The following ARHGAP42 variants were observed in gnomAD, a reference collection of about 807,000 sequenced individuals.
The protein encoded by ARHGAP42 is rho GTPase-activating protein 42.
A neutral mutation model predicts 125.0 loss-of-function variants in ARHGAP42; 63 were observed. The observed-to-expected ratio is 0.50, with a 90% CI of 0.41 to 0.62. ARHGAP42 has a LOEUF of 0.62. Ranked by LOEUF, ARHGAP42 falls within the 20% of genes least tolerant of loss-of-function variation. ARHGAP42 has a pLI of 0.00. For missense variants in ARHGAP42, 766 were observed against 1,024.2 expected (o/e 0.75, Z 3.44); for synonymous variants, 339 against 351.0 (o/e 0.97, Z 0.38).
intron 4 of ARHGAP42, among the ~76,000 whole-genome samples, chr11:100,900,007 G>A (rs1866496336): frequency 6.6e-6 from 1 of 152,104 alleles, no homozygotes; most frequent in Non-Finnish European, 1.5e-5. Flanking sequence ...AGCATCGATG[G>A]TCTTTTCAAT....
At chr11:100,954,737 C>T (rs1857760227) in intron 12 of ARHGAP42, among the ~76,000 whole-genome samples, 1 of 152,062 alleles carries the variant, frequency 6.6e-6, no homozygotes, top group Non-Finnish European at 1.5e-5. Flanking sequence ...CTCAAGTGCT[C>T]TTCATGGGCA....
intron 16 of ARHGAP42, among the ~76,000 whole-genome samples, chr11:100,964,954 A>G (rs1017772290): frequency 1.2e-4 from 19 of 152,142 alleles, no homozygotes; most frequent in African/African-American, 4.3e-4. Context: ...TCCAAGACTC[A>G]GTAATTTATA....
chr11:100,815,300 A>G (rs928013798), intron 3 of ARHGAP42, among the ~76,000 whole-genome samples: 5 of 152,188 alleles, frequency 3.3e-5, no homozygotes, highest in African/African-American at 4.8e-5. Context: ...ATGTGCGTGT[A>G]TCATAATTTA....
At chr11:100,912,430 G>A (rs1866947892) in intron 4 of ARHGAP42, among the ~76,000 whole-genome samples, 1 of 152,080 alleles carries the variant, frequency 6.6e-6, no homozygotes, top group South Asian at 2.1e-4. Flanking sequence ...TCTCTGGAAG[G>A]AGAAAAATAG....
In ARHGAP42 at chr11:100,992,627, G is replaced by T. The variant is rs760082580; in HGVS notation, c.*3826G>T. The T allele has an allele frequency of 6.2e-7, 1 of 1,613,380 alleles. No homozygotes were observed. The highest frequency in any genetic ancestry group is 8.5e-7 in the Non-Finnish European group (1 of 1,179,700). ...ATTCACTGTATCCCTCATTGTCACCGTTATCCCCCTGCTTCAAAATGTGCC... is the reference window on the plus strand; with the variant it reads ...ATTCACTGTATCCCTCATTGTCACCTTTATCCCCCTGCTTCAAAATGTGCC... On this transcript the variant is annotated 3_prime_UTR_variant, in exon 24 of 24. Transcript: ENST00000298815.
intron 1 of ARHGAP42, among the ~76,000 whole-genome samples, chr11:100,739,046 T>A (rs1862124718): frequency 6.6e-6 from 1 of 152,230 alleles, no homozygotes; most frequent in Non-Finnish European, 1.5e-5. Flanking sequence ...AAAGTGCTTA[T>A]AATTTTCCAG....
At chr11:100,966,408 A>G (rs1858096320) in intron 17 of ARHGAP42, among the ~76,000 whole-genome samples, 1 of 152,192 alleles carries the variant, frequency 6.6e-6, no homozygotes, top group African/African-American at 2.4e-5. Context: ...GGAAGCTAAT[A>G]AGTCTGAAAT....
chr11:100,954,010 C>CA (rs56367855), intron 12 of ARHGAP42, among the ~76,000 whole-genome samples: 134,178 of 152,090 alleles, frequency 0.88, 59,276 homozygotes, highest in East Asian at 1. Context: ...TTCAAAGGAA[C>CA]AAATTACATT....
intron 12 of ARHGAP42, among the ~76,000 whole-genome samples, chr11:100,951,813 G>A (rs933307621): frequency 5.9e-5 from 9 of 152,102 alleles, no homozygotes; most frequent in African/African-American, 1.2e-4. Flanking sequence ...GCTAGAGTGT[G>A]TGTGTTTATA....
At chr11:100,957,734 T>TAACC (rs1565294126) in intron 12 of ARHGAP42, among the ~76,000 whole-genome samples, 1 of 152,058 alleles carries the variant, frequency 6.6e-6, no homozygotes, top group Admixed American at 6.6e-5. Context: ...ATCCGTAGAG[T>TAACC]AACGCTGCAG....
rs1380497527 is a variant in ARHGAP42, at chr11:100,978,996, A to G, written c.2403A>G (p.Ala801=). Reference sequence around the variant, plus strand: ...TTAAATCATTTTTCAGAGTGGCAGCAAAAGCTCAACTGTTTGAAAATGTTG... The same window carrying G: ...TTAAATCATTTTTCAGAGTGGCAGCGAAAGCTCAACTGTTTGAAAATGTTG... The part of the protein sequence containing the change: ...GYQRPGSVVA[A]KAQLFENVGS... Residue 801 remains alanine, a synonymous_variant, in exon 22 of 24, where the codon GCA becomes GCG. Coordinates refer to ENST00000298815, the MANE Select transcript of ARHGAP42 (RefSeq NM_152432.4). 6.4e-7 allele frequency: 1 copy of G among 1,551,508 alleles called. No individual in the cohort carries two copies. The highest frequency in any genetic ancestry group is 2.0e-5 in the Admixed American group (1 of 50,992).
chr11:100,730,054 C>G (rs2120301781), intron 1 of ARHGAP42, among the ~76,000 whole-genome samples: 1 of 152,216 alleles, frequency 6.6e-6, no homozygotes, highest in Non-Finnish European at 1.5e-5. Context: ...TGTGATCCAC[C>G]TGCCTCGGCC....
intron 22 of ARHGAP42, among the ~76,000 whole-genome samples, chr11:100,979,430 TG>T (rs1254206467): frequency 6.6e-6 from 1 of 152,178 alleles, no homozygotes; most frequent in African/African-American, 2.4e-5. Flanking sequence ...TGGAAAAATA[TG>T]GTTATCCTTA....
At position 100,687,579 on chromosome 11, in the gene ARHGAP42, C is replaced by T. The variant is rs1303048687; in HGVS notation, c.-100C>T. Reference sequence around the variant, plus strand: ...TCCCCTCGCGTCCCGGCGCCTTCCCCGCGATCGCGCGACCCCAGCGCCCGC... The same window carrying T: ...TCCCCTCGCGTCCCGGCGCCTTCCCTGCGATCGCGCGACCCCAGCGCCCGC... On this transcript the variant is annotated 5_prime_UTR_variant, in exon 1 of 24. Coordinates refer to ENST00000298815, the MANE Select transcript of ARHGAP42 (RefSeq NM_152432.4). 5 of 997,470 alleles carry T rather than the reference C, an allele frequency of 5.0e-6. No homozygotes were observed. The highest frequency in any genetic ancestry group is 4.8e-5 in the Admixed American group (1 of 20,774). 61.8% of individuals were successfully genotyped at this position (997,470 alleles called of 1,614,324 possible). A position where few individuals can be genotyped will look rare whatever the true frequency, so the allele number is the denominator to read the frequency against.
chr11:100,698,199 T>A (rs1565532331), intron 1 of ARHGAP42, among the ~76,000 whole-genome samples: 1 of 152,122 alleles, frequency 6.6e-6, no homozygotes, highest in East Asian at 1.9e-4. Flanking sequence ...CCTTCAACTG[T>A]TTTAAAAGTT....
At chr11:100,773,634 G>A (rs1863035208) in intron 2 of ARHGAP42, among the ~76,000 whole-genome samples, 1 of 152,164 alleles carries the variant, frequency 6.6e-6, no homozygotes, top group Admixed American at 6.5e-5. Context: ...TAATCACTAT[G>A]CTACGCAGCC....
intron 10 of ARHGAP42, 147 bp downstream of exon 10, chr11:100,944,015 A>T (rs1286055943): frequency 3.4e-6 from 2 of 580,930 alleles, no homozygotes; most frequent in Non-Finnish European, 5.9e-6. Context: ...TCATGTTGTT[A>T]TTACATGATG....
chr11:100,938,070 T>C (rs760878423), intron 8 of ARHGAP42, among the ~76,000 whole-genome samples: 5 of 147,550 alleles, frequency 3.4e-5, no homozygotes, highest in African/African-American at 5.0e-5. Context: ...TTTTTTTTAA[T>C]CTCTCTTAAT....
chr11:100,937,814 T>G (rs1867774450), intron 8 of ARHGAP42, among the ~76,000 whole-genome samples: 1 of 152,234 alleles, frequency 6.6e-6, no homozygotes, highest in African/African-American at 2.4e-5. Flanking sequence ...TCGGTCCTAC[T>G]TGGTAGTGAG....
Sources: allele counts gnomAD v4.1 joint callset (sites outside exome capture counted in the v4.1 genomes callset), GRCh38; gene constraint gnomAD v4.1.1; transcripts MANE v1.5; gene names NCBI Gene and HGNC (gene_info 2026-07-23, HGNC 2026-07-21).